Variants in NCALD observed in about 807,000 individuals in gnomAD.
NCALD encodes neurocalcin delta, also known as neurocalcin-delta.
A neutral mutation model predicts 18.6 loss-of-function variants in NCALD; 10 were observed. The ratio of observed to expected loss-of-function variants is 0.54; its 90% CI spans 0.33 to 0.91. The LOEUF is 0.91. NCALD is among the 40% of genes least tolerant of loss of function. The pLI is 0.03. For missense variants in NCALD, 184 were observed against 247.6 expected (o/e 0.74, Z 1.72); for synonymous variants, 88 against 87.4 (o/e 1.01, Z -0.04).
intron 1 of NCALD, among the ~76,000 whole-genome samples, chr8:101,787,363 G>C (rs975066728): frequency 6.6e-6 from 1 of 152,186 alleles, no homozygotes; most frequent in African/African-American, 2.4e-5. Flanking sequence ...GAGAACACAC[G>C]AAGACAAATT....
At chr8:102,050,785 T>C (rs117299805) in intron 1 of NCALD, among the ~76,000 whole-genome samples, 10,517 of 145,820 alleles carry the variant, frequency 0.072, 505 homozygotes, top group East Asian at 0.12. Context: ...TTAATTTAAT[T>C]AACTAATTTT....
At chr8:101,714,718 C>T (rs1004911604) in intron 2 of NCALD, among the ~76,000 whole-genome samples, 13 of 145,022 alleles carry the variant, frequency 9.0e-5, no homozygotes, top group Admixed American at 8.0e-4. Flanking sequence ...AGCTGGGGGC[C>T]GGGCACGGTG....
At chr8:101,940,360 A>T (rs1211062101) in intron 2 of NCALD, among the ~76,000 whole-genome samples, 1 of 152,222 alleles carries the variant, frequency 6.6e-6, no homozygotes, top group African/African-American at 2.4e-5. Flanking sequence ...CGACACCCTT[A>T]TGTGGACATA....
chr8:101,823,590 A>T (rs1043944071), intron 4 of NCALD, among the ~76,000 whole-genome samples: 3 of 152,214 alleles, frequency 2.0e-5, no homozygotes, highest in Non-Finnish European at 2.9e-5. Context: ...TGGCTTCTTA[A>T]TGTCAACAGT....
intron 4 of NCALD, among the ~76,000 whole-genome samples, chr8:101,878,110 A>G (rs1344286900): frequency 6.6e-6 from 1 of 152,224 alleles, no homozygotes; most frequent in African/African-American, 2.4e-5. Flanking sequence ...TGGGAAAAAC[A>G]TATAGTAAAT....
Position 101,963,833 on chromosome 8 carries a change from A to G in NCALD, c.-156-47975T>C, listed in dbSNP as rs73279273. Reference sequence around the variant, plus strand: ...AGAAACCACCTGGAAAGATATTACTAAGAAGTCAATCATGATAATAGTGTG... The same window carrying G: ...AGAAACCACCTGGAAAGATATTACTGAGAAGTCAATCATGATAATAGTGTG... On this transcript the variant is annotated intron_variant, in intron 2 of 6. Transcript: ENST00000311028. Among the ~76,000 whole-genome samples the G allele has an allele frequency of 8.6e-3, 1,302 of 152,208 alleles. 16 individuals are homozygous for G. Among genetic ancestry groups the G allele is most frequent in the African/African-American group, 0.029 (1,224 of 41,540 alleles).
intron 1 of NCALD, among the ~76,000 whole-genome samples, chr8:102,086,662 G>T (rs1488209751): frequency 6.6e-6 from 1 of 152,132 alleles, no homozygotes; most frequent in Non-Finnish European, 1.5e-5. Flanking sequence ...CATTTCTCAT[G>T]CTCCCACACC....
intron 2 of NCALD, among the ~76,000 whole-genome samples, chr8:101,970,388 T>C (rs1820194845): frequency 6.6e-6 from 1 of 152,172 alleles, no homozygotes; most frequent in Non-Finnish European, 1.5e-5. Context: ...AACAAAATAT[T>C]TCCTTGCAAA....
chr8:102,060,991 G>A (rs1586999810), intron 1 of NCALD, among the ~76,000 whole-genome samples: 1 of 152,270 alleles, frequency 6.6e-6, no homozygotes, highest in Non-Finnish European at 1.5e-5. Flanking sequence ...CATTTAGCTT[G>A]ATCGTGCTCT....
chr8:101,896,074 A>G (rs566339746), intron 3 of NCALD, among the ~76,000 whole-genome samples: 11 of 151,330 alleles, frequency 7.3e-5, no homozygotes, highest in Non-Finnish European at 1.5e-4. Context: ...CTAAGCCAAA[A>G]GAACAAAGCT....
At chr8:101,755,426 C>T (rs1368866394) in intron 1 of NCALD, among the ~76,000 whole-genome samples, 1 of 152,160 alleles carries the variant, frequency 6.6e-6, no homozygotes, top group African/African-American at 2.4e-5. Flanking sequence ...CCCAGCACAG[C>T]TGTCTTTGCC....
At chr8:101,777,876 T>C (rs1415502509) in intron 1 of NCALD, among the ~76,000 whole-genome samples, 1 of 152,138 alleles carries the variant, frequency 6.6e-6, no homozygotes, top group Admixed American at 6.6e-5. Flanking sequence ...CAGATATGTT[T>C]GGATTGAGCC....
chr8:102,041,707 A>G (rs1823056110), intron 1 of NCALD, among the ~76,000 whole-genome samples: 1 of 152,224 alleles, frequency 6.6e-6, no homozygotes, highest in Non-Finnish European at 1.5e-5. Flanking sequence ...CTGCTTTCTG[A>G]AAATTGCCAT....
intron 2 of NCALD, among the ~76,000 whole-genome samples, chr8:101,990,901 A>G (rs1007222204): frequency 4.6e-5 from 7 of 152,170 alleles, no homozygotes; most frequent in Admixed American, 2.6e-4. Flanking sequence ...CAGAACAAAA[A>G]TCCCCTGAGC....
At chr8:101,951,288 C>T (rs1819409688) in intron 2 of NCALD, among the ~76,000 whole-genome samples, 1 of 152,288 alleles carries the variant, frequency 6.6e-6, no homozygotes, top group African/African-American at 2.4e-5. Flanking sequence ...CCTACAGTAA[C>T]TTGGAAGATT....
At chr8:101,900,633 T>C (rs1817386598) in intron 3 of NCALD, among the ~76,000 whole-genome samples, 2 of 152,056 alleles carry the variant, frequency 1.3e-5, no homozygotes, top group Non-Finnish European at 2.9e-5. Context: ...TGAAAGTTTG[T>C]TGTTTATTTC....
intron 1 of NCALD, among the ~76,000 whole-genome samples, chr8:102,089,062 G>A (rs1824836879): frequency 6.6e-6 from 1 of 152,098 alleles, no homozygotes; most frequent in South Asian, 2.1e-4. Flanking sequence ...TGCTTTCCTG[G>A]CCCTGGGGTC....
chr8:102,078,919 G>A (rs556037866), intron 1 of NCALD, among the ~76,000 whole-genome samples: 3 of 152,286 alleles, frequency 2.0e-5, no homozygotes, highest in African/African-American at 7.2e-5. Context: ...CACTGTAGGC[G>A]CTTATTAATA....
chr8:101,983,363 C>A (rs142603061), intron 2 of NCALD, among the ~76,000 whole-genome samples: 3 of 152,216 alleles, frequency 2.0e-5, no homozygotes, highest in African/African-American at 7.2e-5. Context: ...CCCCTGTTCC[C>A]TAACCCCAGG....
Sources: gnomAD v4.1 joint callset for allele counts (sites outside exome capture counted in the v4.1 genomes callset) on GRCh38, gnomAD v4.1.1 for gene constraint, MANE v1.5 for transcripts, NCBI Gene and HGNC (gene_info 2026-07-23, HGNC 2026-07-21) for gene names.